Variants in MAML1 observed in about 807,000 individuals in gnomAD.
The protein encoded by MAML1 is mastermind-like protein 1.
In MAML1, 14 loss-of-function variants were observed where a neutral mutation model predicts 77.1. The observed-to-expected ratio is 0.18, with a 90% CI of 0.12 to 0.28. MAML1 has a LOEUF of 0.28. Ranked by LOEUF, MAML1 falls within the 10% of genes least tolerant of loss-of-function variation. The pLI, the probability that MAML1 is intolerant of heterozygous loss-of-function variation, is 1.00. For missense variants in MAML1, 1,217 were observed against 1,327.8 expected (o/e 0.92, Z 1.30); for synonymous variants, 516 against 551.9 (o/e 0.93, Z 0.91).
intron 1 of MAML1, among the ~76,000 whole-genome samples, chr5:179,739,483 C>T (rs186041143): frequency 3.5e-4 from 54 of 152,288 alleles, no homozygotes; most frequent in Admixed American, 1.2e-3. Flanking sequence ...TGGTGGATTT[C>T]TTGAGCCCAG....
chr5:179,769,662 C>G lies in MAML1; in HGVS notation c.1971+573C>G, dbSNP rs1755935086. ...CCACCTCATGGGTTCATGCAATTCT[C>G]CTGCCTCAGCCTCCCGAGTAGCTGG... On this transcript the variant is annotated intron_variant, in intron 3 of 4. Coordinates refer to ENST00000292599, the MANE Select transcript of MAML1 (RefSeq NM_014757.5). This position sits in a 1 kb window ranked among gnomAD's most constrained non-coding sequence, Gnocchi z 4.2. Among the ~76,000 whole-genome samples the G allele has an allele frequency of 6.6e-6, 1 of 152,060 alleles. No homozygotes were observed. The highest frequency in any genetic ancestry group is 1.5e-5 in the Non-Finnish European group (1 of 68,022).
chr5:179,756,494 G>GA (rs1779623035), intron 1 of MAML1, among the ~76,000 whole-genome samples: 1 of 151,310 alleles, frequency 6.6e-6, no homozygotes, highest in Non-Finnish European at 1.5e-5. Flanking sequence ...AGTCCTGAAA[G>GA]ACATTCAGTT....
rs766301193 is a variant in MAML1 at position 179,774,821 on chromosome 5, A to G, written c.2995A>G (p.Asn999Asp). Reference protein sequence around the residue: ...HTDLIDSLLKNRTSEEWMSDL... With the variant: ...HTDLIDSLLKDRTSEEWMSDL... ...CGATCTGATCGACTCCCTGCTGAAG[A>G]ACAGGACTTCAGAGGAGTGGATGAG... is the stretch of plus-strand genomic sequence containing the variant. The change falls in exon 5 of 5, where the codon AAC (asparagine) becomes GAC (aspartate). Residue 999 changes from asparagine (N) to aspartate (D), a missense_variant. Asn to Asp is a conservative substitution (Grantham distance 23, BLOSUM62 1). Transcript: ENST00000292599. 1 of 1,614,072 alleles carries G rather than the reference A, an allele frequency of 6.2e-7. No individual in the cohort carries two copies. The highest frequency in any genetic ancestry group is 1.1e-5 in the South Asian group (1 of 91,084).
At chr5:179,762,650 C>T (rs1779744226) in intron 1 of MAML1, among the ~76,000 whole-genome samples, 1 of 152,200 alleles carries the variant, frequency 6.6e-6, no homozygotes, top group South Asian at 2.1e-4. Context: ...TCTAGTATTG[C>T]TTTATAGCAC....
At chr5:179,760,335 A>G (rs529764746) in intron 1 of MAML1, among the ~76,000 whole-genome samples, 1 of 152,058 alleles carries the variant, frequency 6.6e-6, no homozygotes. Context: ...GGTGATGTGG[A>G]TGATGGAGGA....
intron 1 of MAML1, among the ~76,000 whole-genome samples, chr5:179,745,231 T>G (rs768345738): frequency 2.0e-5 from 3 of 152,030 alleles, no homozygotes; most frequent in Non-Finnish European, 2.9e-5. Flanking sequence ...TAAGTAATTA[T>G]TATGTAAAAA....
At chr5:179,773,130 G>A (rs1389469710) in intron 4 of MAML1, among the ~76,000 whole-genome samples, 4 of 152,120 alleles carry the variant, frequency 2.6e-5, no homozygotes, top group Non-Finnish European at 4.4e-5. Context: ...TGATTCGCCC[G>A]CCTCGGTCTC....
rs1779829970 is a variant in MAML1 at position 179,766,888 on chromosome 5, G to C, written c.1731+147G>C. 1 of 593,106 alleles carries C rather than the reference G, an allele frequency of 1.7e-6. No individual in the cohort carries two copies. Among genetic ancestry groups the C allele is most frequent in the Admixed American group, 3.7e-5 (1 of 26,678 alleles). 36.7% of individuals were successfully genotyped at this position (593,106 alleles called of 1,614,324 possible). A position where few individuals can be genotyped will look rare whatever the true frequency, so the allele number is the denominator to read the frequency against. On this transcript the variant is annotated intron_variant, in intron 2 of 4. Coordinates refer to ENST00000292599, the MANE Select transcript of MAML1 (RefSeq NM_014757.5). This position sits in a 1 kb window ranked among gnomAD's most constrained non-coding sequence, Gnocchi z 4.0. ...GTCATCCTTGCTCCTCTTGGGAGTG[G>C]AAATTTATAAAATAAACCAGGGTTG...
Position 179,774,157 on chromosome 5 carries a change from A to G in MAML1, c.2331A>G (p.Gly777=). 1 of 1,613,594 alleles carries G rather than the reference A, an allele frequency of 6.2e-7. No homozygotes were observed. Among genetic ancestry groups the G allele is most frequent in the South Asian group, 1.1e-5 (1 of 91,090 alleles). ...AGCCCCCGCCACAGGCCACCAATGG[A>G]CATGCCCACATTCCACGGCAGACCA... ...VAQPPPQATN[G]HAHIPRQTNV... The change falls in exon 5 of 5, where the codon GGA becomes GGG. Residue 777 remains glycine (G), a synonymous_variant. Coordinates refer to ENST00000292599, the MANE Select transcript of MAML1 (RefSeq NM_014757.5).
rs1392660716 is a variant in MAML1 at position 179,766,766 on chromosome 5, T to A, written c.1731+25T>A. 6.7e-7 allele frequency: 1 copy of A among 1,502,740 alleles called. No individual in the cohort carries two copies. Among genetic ancestry groups the A allele is most frequent in the African/African-American group, 1.4e-5 (1 of 71,558 alleles). 93.1% of individuals were successfully genotyped at this position (1,502,740 alleles called of 1,614,324 possible). A position where few individuals can be genotyped will look rare whatever the true frequency, so the allele number is the denominator to read the frequency against. On this transcript the variant is annotated intron_variant, in intron 2 of 4. Transcript: ENST00000292599. The surrounding 1 kb of genome is among the most constrained non-coding windows in gnomAD (Gnocchi z 4.0). The stretch of plus-strand genomic sequence containing the variant: ...GGTAAGTATGAGCCTTTGCTTTCTG[T>A]TCCTCTGCTGCAGACACTTCAGTGA...
At chr5:179,736,133 A>G (rs1779167492) in intron 1 of MAML1, among the ~76,000 whole-genome samples, 1 of 152,186 alleles carries the variant, frequency 6.6e-6, no homozygotes. Context: ...TGAATTATTG[A>G]TAGAAACTTG....
At chr5:179,742,142 G>C (rs1157744890) in intron 1 of MAML1, among the ~76,000 whole-genome samples, 3 of 151,156 alleles carry the variant, frequency 2.0e-5, no homozygotes, top group African/African-American at 7.3e-5. Context: ...CAAAGTGCCG[G>C]GATTACAGGC....
At chr5:179,756,620 G>T (rs1024259347) in intron 1 of MAML1, among the ~76,000 whole-genome samples, 7 of 148,386 alleles carry the variant, frequency 4.7e-5, no homozygotes, top group Middle Eastern at 3.6e-3. Flanking sequence ...TGTAAGTAAT[G>T]GGGAAATAAG....
intron 1 of MAML1, among the ~76,000 whole-genome samples, chr5:179,737,263 C>G (rs1334366146): frequency 6.6e-6 from 1 of 152,100 alleles, no homozygotes; most frequent in Non-Finnish European, 1.5e-5. Context: ...TTTTCTGTGT[C>G]TCTGCTAGGA....
chr5:179,774,046 G>A lies in MAML1; in HGVS notation c.2220G>A (p.Arg740=). The A allele has an allele frequency of 6.2e-7, 1 of 1,614,150 alleles. No individual in the cohort carries two copies. The highest frequency in any genetic ancestry group is 8.5e-7 in the Non-Finnish European group (1 of 1,180,050). Residue 740 remains arginine, a synonymous_variant, in exon 5 of 5, where the codon CGG becomes CGA. Transcript: ENST00000292599. ...SLPTNSGQQD[R]GVAQFPGSQN... Reference sequence around the variant, plus strand: ...CCACAAACTCAGGCCAACAGGACCGGGGTGTGGCTCAGTTCCCTGGCTCCC... The same window carrying A: ...CCACAAACTCAGGCCAACAGGACCGAGGTGTGGCTCAGTTCCCTGGCTCCC...
intron 1 of MAML1, among the ~76,000 whole-genome samples, chr5:179,758,398 CTT>C (rs530390008): frequency 2.9e-5 from 4 of 138,536 alleles, no homozygotes; most frequent in Admixed American, 7.2e-5. Context: ...TTTTTCTTTT[CTT>C]TTTTTTTTTT....
intron 1 of MAML1, among the ~76,000 whole-genome samples, chr5:179,760,051 C>G (rs1347167208): frequency 1.3e-5 from 2 of 152,100 alleles, no homozygotes; most frequent in African/African-American, 4.8e-5. Flanking sequence ...GGAAACAGGA[C>G]TGGGGAGAGG....
At chr5:179,758,854 T>C (rs1223097065) in intron 1 of MAML1, among the ~76,000 whole-genome samples, 1 of 152,044 alleles carries the variant, frequency 6.6e-6, no homozygotes, top group East Asian at 1.9e-4. Flanking sequence ...AATACAAAAA[T>C]TAGCCAGGCA....
At chr5:179,733,956 T>C (rs2113325434) in intron 1 of MAML1, among the ~76,000 whole-genome samples, 1 of 152,370 alleles carries the variant, frequency 6.6e-6, no homozygotes, top group East Asian at 1.9e-4. Context: ...AGTAAAATGT[T>C]CAATGAGTTG....
Sources: gnomAD v4.1 joint callset for allele counts (sites outside exome capture counted in the v4.1 genomes callset) on GRCh38, gnomAD v4.1.1 for gene constraint, Gnocchi (gnomAD v3.1) non-coding constraint, MANE v1.5 for transcripts, NCBI Gene and HGNC (gene_info 2026-07-23, HGNC 2026-07-21) for gene names.